AGBL1: variants seen among roughly 807,000 people sequenced by gnomAD.
AGBL1 encodes cytosolic carboxypeptidase 4.
Under a neutral mutation model 118.9 loss-of-function variants are expected in AGBL1, and 130 were observed. That is an observed-to-expected ratio of 1.09 (90% CI 0.95 to 1.26). The LOEUF (loss-of-function observed/expected upper bound fraction) is 1.26, where lower values mean the gene tolerates loss of function less well. Ranked by LOEUF, AGBL1 falls within the 50% of genes most tolerant of loss-of-function variation. The probability of loss-of-function intolerance (pLI) is 0.00; values close to 1 mark genes in which losing one functional copy is unlikely to be tolerated. For synonymous variants in AGBL1, 555 were observed against 478.9 expected, an observed-to-expected ratio of 1.16 and a Z score of -2.08; for missense variants, 1,584 against 1,298.1, an observed-to-expected ratio of 1.22 and a Z score of -3.38.
At chr15:86,542,880 A>G (rs917590786) in intron 19 of AGBL1, among the ~76,000 whole-genome samples, 20 of 152,284 alleles carry the variant, frequency 1.3e-4, no homozygotes, top group African/African-American at 4.6e-4. Context: ...TATATTTTAC[A>G]TCCTTTTACT....
intron 22 of AGBL1, among the ~76,000 whole-genome samples, chr15:86,885,072 AAATT>A (rs2079951083): frequency 6.6e-6 from 1 of 151,934 alleles, no homozygotes; most frequent in African/African-American, 2.4e-5. Context: ...CTTTTGAAAT[AAATT>A]ATAATATATA....
intron 18 of AGBL1, among the ~76,000 whole-genome samples, chr15:86,516,405 G>A (rs1298029415): frequency 1.3e-5 from 2 of 152,192 alleles, no homozygotes; most frequent in African/African-American, 4.8e-5. Context: ...GTCTGGTGAC[G>A]TAACTTTAGA....
intron 20 of AGBL1, among the ~76,000 whole-genome samples, chr15:86,548,682 C>A (rs946331019): frequency 2.0e-5 from 3 of 151,748 alleles, no homozygotes; most frequent in African/African-American, 7.3e-5. Context: ...CACACACACA[C>A]ACACACACAC....
intron 21 of AGBL1, among the ~76,000 whole-genome samples, chr15:86,651,403 G>C (rs1199904286): frequency 6.6e-6 from 1 of 152,214 alleles, no homozygotes. Flanking sequence ...AAGAGGATTA[G>C]ATTCTGGTTA....
chr15:86,599,640 C>A (rs112968614), intron 21 of AGBL1, among the ~76,000 whole-genome samples: 6 of 152,184 alleles, frequency 3.9e-5, no homozygotes, highest in African/African-American at 1.4e-4. Context: ...GTGATAATAT[C>A]ATGTTCCACA....
chr15:87,027,453 T>C (rs2081741884), intron 24 of AGBL1, among the ~76,000 whole-genome samples: 1 of 37,710 alleles, frequency 2.7e-5, no homozygotes, highest in Non-Finnish European at 4.2e-5. Context: ...TTCTATTATA[T>C]AGATGTATTA....
intron 22 of AGBL1, among the ~76,000 whole-genome samples, chr15:86,709,848 C>G (rs547013696): frequency 6.6e-6 from 1 of 152,236 alleles, no homozygotes; most frequent in African/African-American, 2.4e-5. Flanking sequence ...TAGAGTCTGG[C>G]CCATAGTAAA....
At chr15:86,683,277 C>A (rs561303208) in intron 22 of AGBL1, among the ~76,000 whole-genome samples, 1 of 152,108 alleles carries the variant, frequency 6.6e-6, no homozygotes, top group Non-Finnish European at 1.5e-5. Flanking sequence ...GACTTGGGTT[C>A]ATTTTGGACC....
At chr15:86,188,564 T>C (rs2077669372) in intron 5 of AGBL1, among the ~76,000 whole-genome samples, 2 of 152,208 alleles carry the variant, frequency 1.3e-5, no homozygotes, top group Admixed American at 1.3e-4. Flanking sequence ...CTGCTAAATG[T>C]CCTGCACATC....
intron 5 of AGBL1, among the ~76,000 whole-genome samples, chr15:86,209,046 T>G (rs2078045463): frequency 6.6e-6 from 1 of 152,238 alleles, no homozygotes. Context: ...AAAGAACATC[T>G]TTATTTCTGC....
At chr15:86,767,476 A>G (rs976449750) in intron 22 of AGBL1, among the ~76,000 whole-genome samples, 2 of 151,970 alleles carry the variant, frequency 1.3e-5, no homozygotes, top group Non-Finnish European at 2.9e-5. Context: ...AATGCTGAGG[A>G]GGCATGTTAC....
chr15:86,287,420 C>T (rs531237718), intron 16 of AGBL1, among the ~76,000 whole-genome samples: 1 of 152,204 alleles, frequency 6.6e-6, no homozygotes, highest in African/African-American at 2.4e-5. Flanking sequence ...GTTAAGAAAT[C>T]GCTTCCCAGA....
intron 23 of AGBL1, among the ~76,000 whole-genome samples, chr15:86,975,194 G>A (rs955041204): frequency 4.6e-5 from 7 of 151,562 alleles, no homozygotes; most frequent in East Asian, 1.9e-4. Context: ...ATGACATACC[G>A]GAGACTAGGT....
At chr15:86,351,271 A>G (rs754211547) in intron 17 of AGBL1, among the ~76,000 whole-genome samples, 7 of 152,274 alleles carry the variant, frequency 4.6e-5, no homozygotes, top group South Asian at 2.1e-4. Context: ...TCCTTTTATA[A>G]CAAACCCACT....
intron 22 of AGBL1, among the ~76,000 whole-genome samples, chr15:86,794,629 T>A (rs955750877): frequency 6.6e-6 from 1 of 152,116 alleles, no homozygotes; most frequent in African/African-American, 2.4e-5. Context: ...GAATTTTACT[T>A]TGATGAAACA....
chr15:86,635,167 A>G (rs1414881538), intron 21 of AGBL1, among the ~76,000 whole-genome samples: 2 of 151,688 alleles, frequency 1.3e-5, no homozygotes, highest in Admixed American at 6.6e-5. Flanking sequence ...TTTTAAGACT[A>G]AAAGAACTAG....
chr15:86,851,519 C>A (rs1185312552), intron 22 of AGBL1, among the ~76,000 whole-genome samples: 1 of 152,140 alleles, frequency 6.6e-6, no homozygotes, highest in African/African-American at 2.4e-5. Context: ...TCAGTGGGCA[C>A]AACTTTCTGT....
At position 86,615,239 on chromosome 15, in the gene AGBL1, T is replaced by C. The variant is rs560065407; in HGVS notation, c.2995-59034T>C. Among the ~76,000 whole-genome samples the C allele has an allele frequency of 1.4e-3, 207 of 151,894 alleles. 1 individual carries two copies. The highest frequency in any genetic ancestry group is 4.6e-3 in the African/African-American group (191 of 41,394). ...ATTAATTCTAGCATTGGAAGTAGAG[T>C]AGAGGGCCAGGGAGACTAAAAACAG... On this transcript the variant is annotated intron_variant, in intron 21 of 22. Transcript: ENST00000614907. This position sits in a 1 kb window ranked among gnomAD's most constrained non-coding sequence, Gnocchi z 4.3.
At chr15:86,595,858 G>A (rs138357026) in intron 21 of AGBL1, among the ~76,000 whole-genome samples, 2 of 152,114 alleles carry the variant, frequency 1.3e-5, no homozygotes, top group African/African-American at 4.8e-5. Flanking sequence ...ATTGGTTGGA[G>A]ATGAATTCAT....
Sources: allele counts gnomAD v4.1 joint callset (sites outside exome capture counted in the v4.1 genomes callset), GRCh38; gene constraint gnomAD v4.1.1; non-coding constraint Gnocchi (gnomAD v3.1); transcripts MANE v1.5; gene names NCBI Gene and HGNC (gene_info 2026-07-23, HGNC 2026-07-21).